Variants in RBMS2 observed in about 807,000 individuals in gnomAD.
RBMS2 encodes the protein RNA-binding motif, single-stranded-interacting protein 2.
In RBMS2, 38 loss-of-function variants were observed where a neutral mutation model predicts 58.4. The ratio of observed to expected loss-of-function variants is 0.65; its 90% CI spans 0.50 to 0.85. The LOEUF is 0.85. Ranked by LOEUF, RBMS2 falls within the 40% of genes least tolerant of loss-of-function variation. The probability of loss-of-function intolerance (pLI) is 0.00; values close to 1 mark genes in which losing one functional copy is unlikely to be tolerated. For synonymous variants in RBMS2, 151 were observed against 180.7 expected (o/e 0.84, Z 1.32); for missense variants, 367 against 503.7 (o/e 0.73, Z 2.60).
In RBMS2 at chr12:56,570,747, T is replaced by C. The variant is rs373329617; in HGVS notation, c.384+757T>C. Among the ~76,000 whole-genome samples, 9 of 152,238 alleles carry C rather than the reference T, an allele frequency of 5.9e-5. No individual in the cohort carries two copies. The East Asian group carries it at 9.7e-4, about 16-fold the overall frequency. ...CACCCGCCATCACCTCCAGCTAATT[T>C]TTTGTATTTTTAGTAGAGACAGGGT... On this transcript the variant is annotated intron_variant, in intron 4 of 13. Coordinates refer to ENST00000262031, the MANE Select transcript of RBMS2 (RefSeq NM_002898.4).
intron 1 of RBMS2, among the ~76,000 whole-genome samples, chr12:56,533,310 C>G (rs966220420): frequency 6.6e-6 from 1 of 151,432 alleles, no homozygotes; most frequent in Non-Finnish European, 1.5e-5. Flanking sequence ...CTATGTTGCC[C>G]AAGATGGTCT....
chr12:56,578,348 C>G (rs1186315127), intron 5 of RBMS2, among the ~76,000 whole-genome samples: 1 of 151,924 alleles, frequency 6.6e-6, no homozygotes, highest in South Asian at 2.1e-4. Context: ...AGGCTGGTCT[C>G]GAACTCCTGG....
At chr12:56,548,938 A>AT (rs1420962636) in intron 1 of RBMS2, among the ~76,000 whole-genome samples, 1 of 152,176 alleles carries the variant, frequency 6.6e-6, no homozygotes, top group African/African-American at 2.4e-5. Flanking sequence ...GGATTCATAA[A>AT]TTTTATGAAC....
intron 1 of RBMS2, among the ~76,000 whole-genome samples, chr12:56,561,769 C>G (rs998643498): frequency 5.8e-3 from 66 of 11,418 alleles, no homozygotes; most frequent in South Asian, 0.11. Context: ...CCCCCCCCCT[C>G]CTTGGCCTCC....
rs113897566 is a variant in RBMS2, at chr12:56,561,673, A to ATT, written c.67-729_67-728dup. ...AGGCGAGTGCCACTGCACCTGGCTA[A>ATT]TTTTTTTTTTTTTTTTGCATTTTTA... On this transcript the variant is annotated intron_variant, in intron 1 of 13. Transcript: ENST00000262031. 7.7e-3 allele frequency among the ~76,000 whole-genome samples: 1,002 copies of ATT among 129,794 alleles called. 14 individuals are homozygous for ATT. The highest frequency in any genetic ancestry group is 0.028 in the African/African-American group (963 of 35,004). 85.1% of individuals were successfully genotyped at this position (129,794 alleles called of 152,430 possible).
intron 1 of RBMS2, among the ~76,000 whole-genome samples, chr12:56,537,009 C>G (rs1049867998): frequency 6.6e-5 from 10 of 151,882 alleles, no homozygotes; most frequent in Non-Finnish European, 1.5e-5. Flanking sequence ...CAACCTCCGC[C>G]TCCCAGGTTC....
intron 1 of RBMS2, 30 bp from the exon 2 acceptor site, chr12:56,562,387 C>G: frequency 6.4e-7 from 1 of 1,568,276 alleles, no homozygotes; most frequent in Non-Finnish European, 8.8e-7. Context: ...ATGGATAATC[C>G]TTCTACCTCT....
At position 56,581,174 on chromosome 12, in the gene RBMS2, T is replaced by C. The variant is rs373854791; in HGVS notation, c.543-10T>C. ...AGAAGCTAGAGCCTAACCCCTCTTA[T>C]GCTCCTTAGGATGGAGTCCACAGAG... On this transcript the variant is annotated splice_polypyrimidine_tract_variant and intron_variant, in intron 5 of 13. Transcript: ENST00000262031. The C allele has an allele frequency of 1.8e-4, 282 of 1,580,836 alleles. No homozygotes were observed. Among genetic ancestry groups the C allele is most frequent in the Non-Finnish European group, 2.4e-4 (273 of 1,150,576 alleles).
At chr12:56,569,126 A>T in intron 3 of RBMS2, 93 bp downstream of exon 3, 1 of 1,145,210 alleles carries the variant, frequency 8.7e-7, no homozygotes, top group Non-Finnish European at 1.3e-6. Flanking sequence ...CTGAGTCTAC[A>T]GTGTCAGCGA....
At chr12:56,533,438 C>T (rs1223634118) in intron 1 of RBMS2, among the ~76,000 whole-genome samples, 3 of 29,964 alleles carry the variant, frequency 1.0e-4, no homozygotes, top group Non-Finnish European at 1.8e-4. Context: ...TTTTTTGAGA[C>T]GGGATCTTCC....
In RBMS2 at chr12:56,581,242, A is replaced by T; in HGVS notation, c.601A>T (p.Lys201Ter). 6.2e-7 allele frequency: 1 copy of T among 1,606,848 alleles called. No individual in the cohort carries two copies. The highest frequency in any genetic ancestry group is 8.5e-7 in the Non-Finnish European group (1 of 1,173,400). ...IITHFNGKYI[K>*]TPPGVPAPSD... ...CACCCACTTTAATGGAAAATATATTAAGACACCCCCTGGAGTACCAGGTGA... is the reference window on the plus strand; with the variant it reads ...CACCCACTTTAATGGAAAATATATTTAGACACCCCCTGGAGTACCAGGTGA... Residue 201 changes from lysine to a stop codon, truncating the protein, a stop_gained, in exon 6 of 14, where the codon AAG (lysine) becomes TAG (stop). Coordinates refer to ENST00000262031, the MANE Select transcript of RBMS2 (RefSeq NM_002898.4). LOFTEE classifies it high-confidence loss of function.
At chr12:56,573,177 C>G in intron 5 of RBMS2, 6 of 983,878 alleles carry the variant, frequency 6.1e-6, no homozygotes, top group Non-Finnish European at 7.2e-6. Context: ...ACCTTGGGAA[C>G]AAGAAATAGT....
intron 1 of RBMS2, among the ~76,000 whole-genome samples, chr12:56,534,786 C>G (rs1173841293): frequency 6.6e-6 from 1 of 152,066 alleles, no homozygotes; most frequent in African/African-American, 2.4e-5. Flanking sequence ...GGACTACAGG[C>G]GCCCGCCACC....
At chr12:56,538,576 G>A (rs2939308) in intron 1 of RBMS2, among the ~76,000 whole-genome samples, 1 of 149,602 alleles carries the variant, frequency 6.7e-6, no homozygotes, top group African/African-American at 2.5e-5. Context: ...TCCGCCTCCC[G>A]GGTACAAGCA....
intron 1 of RBMS2, among the ~76,000 whole-genome samples, chr12:56,540,975 C>T (rs1474760110): frequency 2.0e-5 from 3 of 151,876 alleles, no homozygotes; most frequent in African/African-American, 7.3e-5. Flanking sequence ...GTAGCATGCA[C>T]CTGTAGTCGC....
At chr12:56,569,081 C>G in intron 3 of RBMS2, 48 bp downstream of exon 3, 1 of 1,522,740 alleles carries the variant, frequency 6.6e-7, no homozygotes, top group East Asian at 2.3e-5. Flanking sequence ...GTAAGTGAGG[C>G]CATCCCTTGA....
Position 56,571,871 on chromosome 12 carries a change from G to C in RBMS2, c.542+16G>C, listed in dbSNP as rs757227658. 4 of 1,513,670 alleles carry C rather than the reference G, an allele frequency of 2.6e-6. No homozygotes were observed. Among genetic ancestry groups the C allele is most frequent in the Non-Finnish European group, 3.6e-6 (4 of 1,125,500 alleles). 93.8% of individuals were successfully genotyped at this position (1,513,670 alleles called of 1,614,324 possible). ...GCTTTGCAAGGTGAGGATGGCAGGA[G>C]TGGGGAAATGATGAGGTTAATAACA... On this transcript the variant is annotated intron_variant, in intron 5 of 13. Coordinates refer to ENST00000262031, the MANE Select transcript of RBMS2 (RefSeq NM_002898.4).
rs537293344 is a variant in RBMS2, at chr12:56,589,869, G to C, written c.*736G>C. ...TTCATGTGGAATTTGGGGTTGGGGG[G>C]CAGGCTGGGCAAGGAACAAGGCAGA... is the stretch of plus-strand genomic sequence containing the variant. On this transcript the variant is annotated 3_prime_UTR_variant, in exon 14 of 14. Coordinates refer to ENST00000262031, the MANE Select transcript of RBMS2 (RefSeq NM_002898.4). 6.5e-6 allele frequency: 1 copy of C among 152,694 alleles called. No homozygotes were observed. The allele number at this position is 152,694 out of a possible 1,614,324, so 9.5% of individuals were successfully genotyped here.
In RBMS2 at chr12:56,595,796, T is replaced by A. The variant is rs1454964792; in HGVS notation, c.*6663T>A. On this transcript the variant is annotated 3_prime_UTR_variant, in exon 14 of 14. Transcript: ENST00000262031. ...GCAGGAGCACTAATGACCCTTTCCA[T>A]CCACACAGAGGGTATGGAACAGGAG... 1 of 152,566 alleles carries A rather than the reference T, an allele frequency of 6.6e-6. No individual in the cohort carries two copies. The highest frequency in any genetic ancestry group is 1.5e-5 in the Non-Finnish European group (1 of 68,044). The allele number at this position is 152,566 out of a possible 1,614,324, so 9.5% of individuals were successfully genotyped here. A position where few individuals can be genotyped will look rare whatever the true frequency, so the allele number is the denominator to read the frequency against.
Sources: gnomAD v4.1 joint callset for allele counts (sites outside exome capture counted in the v4.1 genomes callset) on GRCh38, gnomAD v4.1.1 for gene constraint, MANE v1.5 for transcripts, NCBI Gene and HGNC (gene_info 2026-07-23, HGNC 2026-07-21) for gene names.